The following GAS2L3 variants were observed in gnomAD, a reference collection of about 807,000 sequenced individuals.
GAS2L3 encodes the protein growth arrest specific 2 like 3, also known as GAS2-like protein 3.
Under a neutral mutation model 37.0 loss-of-function variants are expected in GAS2L3, and 28 were observed. The ratio of observed to expected loss-of-function variants is 0.76; its 90% CI spans 0.56 to 1.04. The LOEUF (loss-of-function observed/expected upper bound fraction) is 1.04, where lower values mean the gene tolerates loss of function less well. Among genes scored for constraint, GAS2L3 ranks in the 50% least tolerant of loss-of-function variants. The probability of loss-of-function intolerance (pLI) is 0.00; values close to 1 mark genes in which losing one functional copy is unlikely to be tolerated. For synonymous variants in GAS2L3, 290 were observed against 296.6 expected, an observed-to-expected ratio of 0.98 and a Z score of 0.23; for missense variants, 793 against 817.6, an observed-to-expected ratio of 0.97 and a Z score of 0.37.
chr12:100,583,663 G>C (rs574830421), intron 1 of GAS2L3, among the ~76,000 whole-genome samples: 2 of 152,128 alleles, frequency 1.3e-5, no homozygotes, highest in African/African-American at 4.8e-5. Flanking sequence ...TAGTAGAGAC[G>C]GGGCTTCACC....
At chr12:100,621,702 A>G (rs1169557498) in intron 8 of GAS2L3, among the ~76,000 whole-genome samples, 1 of 152,036 alleles carries the variant, frequency 6.6e-6, no homozygotes, top group Non-Finnish European at 1.5e-5. Flanking sequence ...GAAAATTCCT[A>G]CTTAGCCTTT....
chr12:100,600,496 G>A lies in GAS2L3; in HGVS notation c.133G>A (p.Ala45Thr), dbSNP rs772231012. ...TGAGTGGATAGCTGTGAGGCATGAAGCCACTTTGTTGCCCATGCAAGAAGA... is the reference window on the plus strand; with the variant it reads ...TGAGTGGATAGCTGTGAGGCATGAAACCACTTTGTTGCCCATGCAAGAAGA... The part of the protein sequence containing the change: ...YDEWIAVRHE[A>T]TLLPMQEDLS... Residue 45 changes from alanine (A) to threonine (T), a missense_variant, in exon 4 of 10, where the codon GCC becomes ACC. Physicochemically the swap from Ala to Thr is moderately conservative, Grantham distance 58 (BLOSUM62 0). Coordinates refer to ENST00000547754, the MANE Select transcript of GAS2L3 (RefSeq NM_174942.3). The A allele has an allele frequency of 1.7e-5, 27 of 1,613,798 alleles. No individual in the cohort carries two copies. The highest frequency in any genetic ancestry group is 2.3e-5 in the Non-Finnish European group (27 of 1,179,800).
chr12:100,589,427 C>T (rs1042553188), intron 1 of GAS2L3, among the ~76,000 whole-genome samples: 3 of 152,088 alleles, frequency 2.0e-5, no homozygotes, highest in African/African-American at 7.2e-5. Flanking sequence ...TCATAGACAA[C>T]ATGAACAAAT....
intron 8 of GAS2L3, among the ~76,000 whole-genome samples, chr12:100,619,137 A>G (rs1242171457): frequency 6.6e-6 from 1 of 151,930 alleles, no homozygotes; most frequent in East Asian, 1.9e-4. Flanking sequence ...CTCTAAGTAG[A>G]TGGTATATTG....
chr12:100,622,517 T>C (rs1352662211), intron 9 of GAS2L3, 135 bp downstream of exon 9: 2 of 520,522 alleles, frequency 3.8e-6, no homozygotes, highest in African/African-American at 1.9e-5. Context: ...GATTTCACTG[T>C]ACAGGGAAAA....
At chr12:100,578,987 T>TA in intron 1 of GAS2L3, 3 of 881,192 alleles carry the variant, frequency 3.4e-6, no homozygotes, top group Non-Finnish European at 5.7e-6. Context: ...AGGCATCCGT[T>TA]ACCTCACTAA....
chr12:100,591,086 A>G (rs1280549679), intron 1 of GAS2L3, among the ~76,000 whole-genome samples: 1 of 152,172 alleles, frequency 6.6e-6, no homozygotes, highest in Non-Finnish European at 1.5e-5. Flanking sequence ...ATAGAAAAAT[A>G]AAAAATAAAA....
chr12:100,605,007 G>A lies in GAS2L3; in HGVS notation c.303+3254G>A, dbSNP rs370360163. 3.8e-4 allele frequency among the ~76,000 whole-genome samples: 58 copies of A among 152,050 alleles called. 1 individual carries two copies. Among genetic ancestry groups the A allele is most frequent in the African/African-American group, 1.3e-3 (56 of 41,524 alleles). ...GTTGAATTCAGTTTGCTAGTATTTT[G>A]TTGAGGATTTTTGCATCAACATTCA... is the stretch of plus-strand genomic sequence containing the variant. On this transcript the variant is annotated intron_variant, in intron 5 of 9. Coordinates refer to ENST00000547754, the MANE Select transcript of GAS2L3 (RefSeq NM_174942.3).
chr12:100,610,030 A>G (rs910694872), intron 5 of GAS2L3, among the ~76,000 whole-genome samples: 8 of 152,204 alleles, frequency 5.3e-5, no homozygotes, highest in Non-Finnish European at 1.0e-4. Context: ...TATTCTTGTA[A>G]TGGTGCTTTT....
chr12:100,578,364 G>A (rs946128321), intron 1 of GAS2L3, among the ~76,000 whole-genome samples: 1 of 152,186 alleles, frequency 6.6e-6, no homozygotes, highest in African/African-American at 2.4e-5. Context: ...ATATAAATGA[G>A]TGAATGGATG....
At chr12:100,600,101 C>T (rs1955965978) in intron 3 of GAS2L3, among the ~76,000 whole-genome samples, 1 of 152,098 alleles carries the variant, frequency 6.6e-6, no homozygotes, top group African/African-American at 2.4e-5. Flanking sequence ...GTGGCATGTG[C>T]CTGTGCTCTC....
chr12:100,613,663 C>T (rs1444834909), intron 6 of GAS2L3, among the ~76,000 whole-genome samples: 1 of 151,274 alleles, frequency 6.6e-6, no homozygotes, highest in Non-Finnish European at 1.5e-5. Flanking sequence ...GGCGCGATCT[C>T]AGCTCACTGC....
Position 100,624,894 on chromosome 12 carries a change from C to T in GAS2L3, c.*4C>T, listed in dbSNP as rs901803697. 2.6e-6 allele frequency: 4 copies of T among 1,530,508 alleles called. No homozygotes were observed. Among genetic ancestry groups the T allele is most frequent in the Non-Finnish European group, 3.6e-6 (4 of 1,126,028 alleles). The allele number at this position is 1,530,508 out of a possible 1,614,324, so 94.8% of individuals were successfully genotyped here. On this transcript the variant is annotated 3_prime_UTR_variant, in exon 10 of 10. Coordinates refer to ENST00000547754, the MANE Select transcript of GAS2L3 (RefSeq NM_174942.3). ...AAGTAAGAAACCTAGAAAATAAATA[C>T]ATACTCATTATAAAAAAAGAGAAAA...
chr12:100,608,266 A>G (rs1057259253), intron 5 of GAS2L3, among the ~76,000 whole-genome samples: 2 of 151,880 alleles, frequency 1.3e-5, no homozygotes, highest in Admixed American at 1.3e-4. Context: ...GGCCTCCTGG[A>G]TCTGGGGATG....
intron 2 of GAS2L3, among the ~76,000 whole-genome samples, chr12:100,593,044 A>G (rs796574850): frequency 9.9e-5 from 15 of 152,280 alleles, no homozygotes; most frequent in African/African-American, 3.4e-4. Context: ...TTGTGATAGT[A>G]TCGAGGACTG....
chr12:100,617,670 C>T, intron 6 of GAS2L3, 74 bp from the exon 7 acceptor site: 2 of 915,054 alleles, frequency 2.2e-6, no homozygotes, highest in African/African-American at 1.6e-5. Flanking sequence ...TTATTTAACT[C>T]TCTTCTTCCA....
chr12:100,600,271 A>G (rs1232627763), intron 3 of GAS2L3, 111 bp from the exon 4 acceptor site: 2 of 675,594 alleles, frequency 3.0e-6, no homozygotes, highest in Non-Finnish European at 5.0e-6. Flanking sequence ...AGCTTTTTAT[A>G]TGTGTCTATT....
chr12:100,587,153 G>A (rs1187512532), intron 1 of GAS2L3, among the ~76,000 whole-genome samples: 2 of 152,142 alleles, frequency 1.3e-5, no homozygotes, highest in Admixed American at 6.5e-5. Context: ...GACATTCAAA[G>A]AAGAATTGGT....
At chr12:100,598,938 C>T (rs981973887) in intron 3 of GAS2L3, among the ~76,000 whole-genome samples, 2 of 152,132 alleles carry the variant, frequency 1.3e-5, no homozygotes, top group African/African-American at 4.8e-5. Flanking sequence ...TTGTTGCTGC[C>T]ACTCACACCC....
Sources: gnomAD v4.1 joint callset for allele counts (sites outside exome capture counted in the v4.1 genomes callset) on GRCh38, gnomAD v4.1.1 for gene constraint, MANE v1.5 for transcripts, NCBI Gene and HGNC (gene_info 2026-07-23, HGNC 2026-07-21) for gene names.